Variants in NAB1 observed in about 807,000 individuals in gnomAD.
The protein encoded by NAB1 is NGFI-A binding protein 1, also known as NGFI-A-binding protein 1.
A neutral mutation model predicts 49.9 loss-of-function variants in NAB1; 25 were observed. The observed-to-expected ratio is 0.50, with a 90% CI of 0.37 to 0.70. The LOEUF is 0.70. NAB1 is among the 30% of genes least tolerant of loss of function. The pLI is 0.00. For synonymous variants in NAB1, 198 were observed against 215.6 expected (o/e 0.92, Z 0.71); for missense variants, 489 against 575.9 (o/e 0.85, Z 1.54).
In NAB1 at chr2:190,685,441, T is replaced by G; in HGVS notation, c.1096-35T>G. On this transcript the variant is annotated intron_variant, in intron 7 of 9. Coordinates refer to ENST00000337386, the MANE Select transcript of NAB1 (RefSeq NM_005966.4). The surrounding 1 kb of genome is among the most constrained non-coding windows in gnomAD (Gnocchi z 4.5). ...AAACCATTAAAAAATCTAGAATGTT[T>G]CAGTTACTGATTTGATTTTTGCTTT... 6.4e-7 allele frequency: 1 copy of G among 1,557,538 alleles called. No homozygotes were observed.
In NAB1 at chr2:190,669,936, C is replaced by T. The variant is rs1196376284; in HGVS notation, c.820-390C>T. Reference sequence around the variant, plus strand: ...GTCAGTTCATAAAAAATCTGTCAGACCATCTACATTCATTTTTGGTTAGAG... The same window carrying T: ...GTCAGTTCATAAAAAATCTGTCAGATCATCTACATTCATTTTTGGTTAGAG... On this transcript the variant is annotated intron_variant, in intron 4 of 9. Transcript: ENST00000337386. The surrounding 1 kb of genome is among the most constrained non-coding windows in gnomAD (Gnocchi z 4.3). 1.3e-5 allele frequency among the ~76,000 whole-genome samples: 2 copies of T among 152,144 alleles called. No homozygotes were observed. The highest frequency in any genetic ancestry group is 2.9e-5 in the Non-Finnish European group (2 of 68,022).
In NAB1 at chr2:190,684,874, T is replaced by C. The variant is rs969635154; in HGVS notation, c.1096-602T>C. Among the ~76,000 whole-genome samples the C allele has an allele frequency of 6.6e-6, 1 of 152,240 alleles. No individual in the cohort carries two copies. The highest frequency in any genetic ancestry group is 2.4e-5 in the African/African-American group (1 of 41,466). ...GTTGACTAATTGTATATTTAAAATATGCCTTTTTATGATTGGTTGGGAAAT... is the reference window on the plus strand; with the variant it reads ...GTTGACTAATTGTATATTTAAAATACGCCTTTTTATGATTGGTTGGGAAAT... On this transcript the variant is annotated intron_variant, in intron 7 of 9. Coordinates refer to ENST00000337386, the MANE Select transcript of NAB1 (RefSeq NM_005966.4). This position sits in a 1 kb window ranked among gnomAD's most constrained non-coding sequence, Gnocchi z 4.6.
chr2:190,675,370 A>C lies in NAB1; in HGVS notation c.1005+2218A>C, dbSNP rs77259086. Reference sequence around the variant, plus strand: ...TTTGAGCTGCAGTTGTTTCTTGATGAGTTTTATTGGTAAGTCTTTCTGACC... The same window carrying C: ...TTTGAGCTGCAGTTGTTTCTTGATGCGTTTTATTGGTAAGTCTTTCTGACC... On this transcript the variant is annotated intron_variant, in intron 6 of 9. Transcript: ENST00000337386. The surrounding 1 kb of genome is among the most constrained non-coding windows in gnomAD (Gnocchi z 5.2). 4.2e-3 allele frequency among the ~76,000 whole-genome samples: 635 copies of C among 152,256 alleles called. 11 individuals are homozygous for C. The East Asian group carries it at 0.046, about 11-fold the overall frequency.
intron 2 of NAB1, chr2:190,653,704 C>T (rs1015863753): frequency 1.3e-5 from 2 of 152,152 alleles, no homozygotes; most frequent in Admixed American, 6.5e-5. Context: ...TTGATGATAA[C>T]TTACACCGTG....
chr2:190,669,271 C>G lies in NAB1; in HGVS notation c.820-1055C>G, dbSNP rs1694681784. On this transcript the variant is annotated intron_variant, in intron 4 of 9. Coordinates refer to ENST00000337386, the MANE Select transcript of NAB1 (RefSeq NM_005966.4). This position sits in a 1 kb window ranked among gnomAD's most constrained non-coding sequence, Gnocchi z 4.3. ...GACCACAGGTAACTGAAACCTCAGA[C>G]AGCAAAACTGTGGGTAAGGGGGTAC... 6.6e-6 allele frequency among the ~76,000 whole-genome samples: 1 copy of G among 152,214 alleles called. No individual in the cohort carries two copies. Among genetic ancestry groups the G allele is most frequent in the African/African-American group, 2.4e-5 (1 of 41,436 alleles).
rs547406337 is a variant in NAB1 at position 190,685,945 on chromosome 2, G to A, written c.1258+307G>A. Among the ~76,000 whole-genome samples, 48 of 152,240 alleles carry A rather than the reference G, an allele frequency of 3.2e-4. No homozygotes were observed. The highest frequency in any genetic ancestry group is 3.3e-4 in the Admixed American group (5 of 15,292). ...TTTTCCCCGAAGAAGCAGATTCCGG[G>A]AGAGATGTTTATCCTTTTTAAATGA... On this transcript the variant is annotated intron_variant, in intron 8 of 9. Transcript: ENST00000337386. This position sits in a 1 kb window ranked among gnomAD's most constrained non-coding sequence, Gnocchi z 4.5.
rs1375248752 is a variant in NAB1, at chr2:190,670,558, G to A, written c.953+99G>A. On this transcript the variant is annotated intron_variant, in intron 5 of 9. Transcript: ENST00000337386. The surrounding 1 kb of genome is among the most constrained non-coding windows in gnomAD (Gnocchi z 5.3). Reference sequence around the variant, plus strand: ...AGAATATAAGCATTTCTGAAAAAGTGGAAGTATGATTATTGTTCTATGAAA... The same window carrying A: ...AGAATATAAGCATTTCTGAAAAAGTAGAAGTATGATTATTGTTCTATGAAA... 1 of 1,295,206 alleles carries A rather than the reference G, an allele frequency of 7.7e-7. No homozygotes were observed. Among genetic ancestry groups the A allele is most frequent in the Non-Finnish European group, 1.1e-6 (1 of 935,682 alleles). The allele number at this position is 1,295,206 out of a possible 1,614,324, so 80.2% of individuals were successfully genotyped here.
chr2:190,681,505 A>G (rs1380710659), intron 6 of NAB1, among the ~76,000 whole-genome samples: 1 of 152,262 alleles, frequency 6.6e-6, no homozygotes, highest in Non-Finnish European at 1.5e-5. Context: ...ATACACTTAT[A>G]TGAAGTTCAT....
chr2:190,661,815 A>G (rs572477891), intron 4 of NAB1, among the ~76,000 whole-genome samples: 2 of 152,228 alleles, frequency 1.3e-5, no homozygotes, highest in South Asian at 4.1e-4. Flanking sequence ...TGTTACTTGT[A>G]CTCCAGTATG....
At chr2:190,683,896 C>G in intron 7 of NAB1, 69 bp downstream of exon 7, 1 of 1,232,640 alleles carries the variant, frequency 8.1e-7, no homozygotes, top group South Asian at 1.3e-5. Context: ...ACTACTTCAA[C>G]TAGCTTCAGT....
At chr2:190,658,206 C>G (rs1694029478) in intron 3 of NAB1, among the ~76,000 whole-genome samples, 1 of 152,142 alleles carries the variant, frequency 6.6e-6, no homozygotes, top group South Asian at 2.1e-4. Flanking sequence ...GGAGTGATCA[C>G]CCACCCTCCT....
In NAB1 at chr2:190,684,484, T is replaced by G. The variant is rs1695509138; in HGVS notation, c.1095+657T>G. ...AAAAATACATTTTTTACCTCAGATA[T>G]GCTTATTTAAATTTTGTCAATTTAG... is the stretch of plus-strand genomic sequence containing the variant. On this transcript the variant is annotated intron_variant, in intron 7 of 9. Transcript: ENST00000337386. This position sits in a 1 kb window ranked among gnomAD's most constrained non-coding sequence, Gnocchi z 4.6. 6.6e-6 allele frequency among the ~76,000 whole-genome samples: 1 copy of G among 152,198 alleles called. No homozygotes were observed. The highest frequency in any genetic ancestry group is 2.4e-5 in the African/African-American group (1 of 41,456).
Position 190,690,281 on chromosome 2 carries a change from C to T in NAB1, c.1412C>T (p.Ala471Val), listed in dbSNP as rs1465241971. ...ATTTTAAAAGACTACCCTCATTCAG[C>T]TTTTACCTTAGAAAAGAAAGTCATC... Reference protein sequence around the residue: ...LGILKDYPHSAFTLEKKVIKT... With the variant: ...LGILKDYPHSVFTLEKKVIKT... The change falls in exon 10 of 10, where the codon GCT becomes GTT. Residue 471 changes from alanine (A) to valine (V), a missense_variant. By Grantham distance (64) the Ala-to-Val change is moderately conservative. Coordinates refer to ENST00000337386, the MANE Select transcript of NAB1 (RefSeq NM_005966.4). 1.9e-6 allele frequency: 3 copies of T among 1,612,750 alleles called. No homozygotes were observed. In the African/African-American group the frequency reaches 4.0e-5, roughly 22 times the overall value.
rs1694695538 is a variant in NAB1 at position 190,669,535 on chromosome 2, CT to C, written c.820-786del. 6.6e-6 allele frequency among the ~76,000 whole-genome samples: 1 copy of C among 152,170 alleles called. No individual in the cohort carries two copies. Among genetic ancestry groups the C allele is most frequent in the South Asian group, 2.1e-4 (1 of 4,830 alleles). On this transcript the variant is annotated intron_variant, in intron 4 of 9. Transcript: ENST00000337386. The surrounding 1 kb of genome is among the most constrained non-coding windows in gnomAD (Gnocchi z 4.3). ...TCTGTCTGCCATCACGTCCCATTTT[CT>C]TTTTGCTAATCATCATGCCTTGGCT... is the stretch of plus-strand genomic sequence containing the variant.
chr2:190,658,171 G>A (rs74350926), intron 3 of NAB1, among the ~76,000 whole-genome samples: 8,252 of 152,202 alleles, frequency 0.054, 313 homozygotes, highest in Middle Eastern at 0.14. Context: ...CCTTGGCTCT[G>A]TCTTAGGCTT....
In NAB1 at chr2:190,686,394, T is replaced by G. The variant is rs1212575629; in HGVS notation, c.1258+756T>G. On this transcript the variant is annotated intron_variant, in intron 8 of 9. Coordinates refer to ENST00000337386, the MANE Select transcript of NAB1 (RefSeq NM_005966.4). This position sits in a 1 kb window ranked among gnomAD's most constrained non-coding sequence, Gnocchi z 5.5. ...TTTTATAGTGCCTCCTTTTTATATA[T>G]TATTGTTATACTTTTCTAGAGAGTG... Among the ~76,000 whole-genome samples, 3 of 152,176 alleles carry G rather than the reference T, an allele frequency of 2.0e-5. No individual in the cohort carries two copies. Among genetic ancestry groups the G allele is most frequent in the African/African-American group, 7.2e-5 (3 of 41,448 alleles).
chr2:190,654,654 C>CTG lies in NAB1; in HGVS notation c.-196-1322_-196-1321dup, dbSNP rs1553545997. 6.6e-6 allele frequency among the ~76,000 whole-genome samples: 1 copy of CTG among 151,932 alleles called. No homozygotes were observed. The highest frequency in any genetic ancestry group is 1.5e-5 in the Non-Finnish European group (1 of 68,016). On this transcript the variant is annotated intron_variant, in intron 2 of 9. Coordinates refer to ENST00000337386, the MANE Select transcript of NAB1 (RefSeq NM_005966.4). This position sits in a 1 kb window ranked among gnomAD's most constrained non-coding sequence, Gnocchi z 5.6. ...ATATGAGTAGTTTGGATTTCTTTCTCTGCACTGGTGGAGAAGTTCGCAAAT... is the reference window on the plus strand; with the variant it reads ...ATATGAGTAGTTTGGATTTCTTTCTCTGTGCACTGGTGGAGAAGTTCGCAAAT...
chr2:190,679,597 T>A lies in NAB1; in HGVS notation c.1006-4141T>A, dbSNP rs1695231737. Among the ~76,000 whole-genome samples, 1 of 152,208 alleles carries A rather than the reference T, an allele frequency of 6.6e-6. No homozygotes were observed. Among genetic ancestry groups the A allele is most frequent in the Non-Finnish European group, 1.5e-5 (1 of 68,036 alleles). The stretch of plus-strand genomic sequence containing the variant: ...AATGTGTACTTTTCCAAGGTTCACT[T>A]ATTTGCGTTACTTTATTTAATCCCC... On this transcript the variant is annotated intron_variant, in intron 6 of 9. Coordinates refer to ENST00000337386, the MANE Select transcript of NAB1 (RefSeq NM_005966.4). This position sits in a 1 kb window ranked among gnomAD's most constrained non-coding sequence, Gnocchi z 5.3.
At chr2:190,660,517 C>G (rs1198417621) in intron 4 of NAB1, among the ~76,000 whole-genome samples, 1 of 152,096 alleles carries the variant, frequency 6.6e-6, no homozygotes, top group African/African-American at 2.4e-5. Context: ...CTTTATAGTA[C>G]TCTAGACATA....
Sources: gnomAD v4.1 joint callset for allele counts (sites outside exome capture counted in the v4.1 genomes callset) on GRCh38, gnomAD v4.1.1 for gene constraint, Gnocchi (gnomAD v3.1) non-coding constraint, MANE v1.5 for transcripts, NCBI Gene and HGNC (gene_info 2026-07-23, HGNC 2026-07-21) for gene names.